ATRNL1: variants seen among roughly 807,000 people sequenced by gnomAD.
ATRNL1 encodes attractin-like protein 1.
ATRNL1 carries 95 observed loss-of-function variants against 182.7 expected under a neutral mutation model. That is an observed-to-expected ratio of 0.52 (90% CI 0.44 to 0.62). ATRNL1 has a LOEUF of 0.62. ATRNL1 is among the 20% of genes least tolerant of loss of function. The pLI, the probability that ATRNL1 is intolerant of heterozygous loss-of-function variation, is 0.00. For missense variants in ATRNL1, 1,471 were observed against 1,679.5 expected, an observed-to-expected ratio of 0.88 and a Z score of 2.17; for synonymous variants, 576 against 568.3, an observed-to-expected ratio of 1.01 and a Z score of -0.19.
chr10:115,884,596 G>A (rs909522747), intron 28 of ATRNL1, among the ~76,000 whole-genome samples: 13 of 152,072 alleles, frequency 8.5e-5, no homozygotes, highest in African/African-American at 2.2e-4. Flanking sequence ...TTCCTGAGTC[G>A]GTACTGCAGC....
intron 20 of ATRNL1, among the ~76,000 whole-genome samples, chr10:115,419,547 A>G (rs593796): frequency 0.38 from 57,859 of 151,966 alleles, 12,180 homozygotes; most frequent in African/African-American, 0.57. Context: ...CGTATAAAAC[A>G]ACATGCATAG....
At chr10:115,635,052 A>T (rs1858775372) in intron 26 of ATRNL1, among the ~76,000 whole-genome samples, 1 of 152,296 alleles carries the variant, frequency 6.6e-6, no homozygotes, top group South Asian at 2.1e-4. Context: ...CAAAATATTT[A>T]TTAACATATT....
At position 115,818,043 on chromosome 10, in the gene ATRNL1, G is replaced by A. The variant is rs573984132; in HGVS notation, c.3904-29834G>A. ...ACTTTTCCTTTATTACACAGTACTC[G>A]TTCTCCATTCCCTCCTCTTTTAGCT... On this transcript the variant is annotated intron_variant, in intron 27 of 28. Transcript: ENST00000355044. 7.9e-5 allele frequency among the ~76,000 whole-genome samples: 12 copies of A among 151,950 alleles called. No individual in the cohort carries two copies. The East Asian group carries it at 1.6e-3, about 20-fold the overall frequency.
intron 27 of ATRNL1, among the ~76,000 whole-genome samples, chr10:115,829,911 C>T (rs1950522007): frequency 6.6e-6 from 1 of 152,168 alleles, no homozygotes; most frequent in Non-Finnish European, 1.5e-5. Flanking sequence ...ATTTTAATTG[C>T]ATAAAAGGAA....
chr10:115,668,755 T>C (rs530890843), intron 26 of ATRNL1, among the ~76,000 whole-genome samples: 4 of 152,276 alleles, frequency 2.6e-5, no homozygotes, highest in African/African-American at 9.6e-5. Flanking sequence ...AACCTTTTTA[T>C]ATCATTTATG....
chr10:115,576,505 A>G (rs1314417088), intron 26 of ATRNL1, among the ~76,000 whole-genome samples: 2 of 151,956 alleles, frequency 1.3e-5, no homozygotes, highest in African/African-American at 2.4e-5. Flanking sequence ...GCACTTTTCC[A>G]TATATCCGTT....
rs782498548 is a variant in ATRNL1, at chr10:115,160,102, C to T, written c.892C>T (p.Pro298Ser). 6.2e-7 allele frequency: 1 copy of T among 1,612,066 alleles called. No individual in the cohort carries two copies. Among genetic ancestry groups the T allele is most frequent in the South Asian group, 1.1e-5 (1 of 90,984 alleles). Residue 298 changes from proline to serine, a missense_variant, in exon 6 of 29, where the codon CCC becomes TCC. Physicochemically the swap from Pro to Ser is moderately conservative, Grantham distance 74. Coordinates refer to ENST00000355044, the MANE Select transcript of ATRNL1 (RefSeq NM_207303.4). The stretch of plus-strand genomic sequence containing the variant: ...TTACTGGATTCTGCCAAACGTTAAA[C>T]CCTTCAGTCCTTCTGTAGGTCGGGC... ...ESYWILPNVK[P>S]FSPSVGRASH...
intron 2 of ATRNL1, 52 bp downstream of exon 2, chr10:115,120,320 G>T: frequency 2.1e-6 from 2 of 957,832 alleles, no homozygotes; most frequent in Non-Finnish European, 1.6e-6. Context: ...AAATGATAAA[G>T]GTGATCATAT....
intron 24 of ATRNL1, among the ~76,000 whole-genome samples, chr10:115,500,374 G>A (rs1299451442): frequency 2.0e-4 from 30 of 152,026 alleles, no homozygotes; most frequent in Admixed American, 2.0e-3. Flanking sequence ...CCAAACCTTA[G>A]AAAATAATAA....
chr10:115,593,082 A>G (rs2769403), intron 26 of ATRNL1, among the ~76,000 whole-genome samples: 72,418 of 152,058 alleles, frequency 0.48, 18,717 homozygotes, highest in East Asian at 0.84. Flanking sequence ...TGCATCTAGC[A>G]AGGGCTTTAT....
chr10:115,469,333 A>T lies in ATRNL1; in HGVS notation c.3654+4A>T. The T allele has an allele frequency of 6.7e-7, 1 of 1,502,126 alleles. No individual in the cohort carries two copies. The highest frequency in any genetic ancestry group is 8.9e-7 in the Non-Finnish European group (1 of 1,124,578). The allele number at this position is 1,502,126 out of a possible 1,614,324, so 93.0% of individuals were successfully genotyped here. On this transcript the variant is annotated splice_donor_region_variant and intron_variant, in intron 24 of 28. Transcript: ENST00000355044. The stretch of plus-strand genomic sequence containing the variant: ...TTCCTGGCCTATTAAAATACAGGTA[A>T]GTGTTAAGAGTATTTACTTCTAATG...
At chr10:115,813,422 T>C (rs1382615294) in intron 27 of ATRNL1, among the ~76,000 whole-genome samples, 3 of 152,258 alleles carry the variant, frequency 2.0e-5, no homozygotes, top group Non-Finnish European at 4.4e-5. Context: ...TGAAAAAGCA[T>C]GTCCATAAGT....
chr10:115,896,641 A>C (rs1555112597), intron 28 of ATRNL1, among the ~76,000 whole-genome samples: 6 of 152,180 alleles, frequency 3.9e-5, no homozygotes, highest in Non-Finnish European at 5.9e-5. Flanking sequence ...TCACTACACA[A>C]ATTAGTTAAA....
At chr10:115,283,288 C>T (rs191630177) in intron 14 of ATRNL1, among the ~76,000 whole-genome samples, 29 of 152,018 alleles carry the variant, frequency 1.9e-4, no homozygotes, top group African/African-American at 5.5e-4. Flanking sequence ...GTGGTGGGCA[C>T]CTGTAATTTC....
chr10:115,863,200 A>G (rs1951355689), intron 28 of ATRNL1, among the ~76,000 whole-genome samples: 1 of 152,292 alleles, frequency 6.6e-6, no homozygotes, highest in African/African-American at 2.4e-5. Context: ...CACCTACCCA[A>G]TCAGTTAGGA....
chr10:115,698,488 A>T (rs1555050491), intron 26 of ATRNL1, among the ~76,000 whole-genome samples: 1 of 152,064 alleles, frequency 6.6e-6, no homozygotes, highest in Non-Finnish European at 1.5e-5. Flanking sequence ...TAGTGTCAAG[A>T]AGAAATGTGG....
At chr10:115,924,754 A>G (rs1361410921) in intron 28 of ATRNL1, among the ~76,000 whole-genome samples, 3 of 152,178 alleles carry the variant, frequency 2.0e-5, no homozygotes, top group Admixed American at 1.3e-4. Flanking sequence ...TTCCATGTGA[A>G]ATCTAAAGTA....
intron 19 of ATRNL1, among the ~76,000 whole-genome samples, chr10:115,357,881 A>G (rs1334699458): frequency 6.6e-6 from 1 of 151,646 alleles, no homozygotes; most frequent in African/African-American, 2.4e-5. Context: ...TGTCGTTATT[A>G]TTTTAAATAT....
intron 17 of ATRNL1, among the ~76,000 whole-genome samples, chr10:115,313,476 A>G (rs1554928603): frequency 6.6e-6 from 1 of 152,114 alleles, no homozygotes; most frequent in East Asian, 1.9e-4. Flanking sequence ...TGCTCCATTT[A>G]TAAGTAGGTG....
Sources: gnomAD v4.1 joint callset for allele counts (sites outside exome capture counted in the v4.1 genomes callset) on GRCh38, gnomAD v4.1.1 for gene constraint, MANE v1.5 for transcripts, NCBI Gene and HGNC (gene_info 2026-07-23, HGNC 2026-07-21) for gene names.